PCDHGA6: variants seen among roughly 807,000 people sequenced by gnomAD.
PCDHGA6 encodes protocadherin gamma-A6.
Under a neutral mutation model 60.6 loss-of-function variants are expected in PCDHGA6, and 41 were observed. The observed-to-expected ratio is 0.68, with a 90% confidence interval of 0.53 to 0.88. The LOEUF is 0.88. PCDHGA6 is among the 40% of genes least tolerant of loss of function. The probability of loss-of-function intolerance (pLI) is 0.00; values close to 1 mark genes in which losing one functional copy is unlikely to be tolerated. For missense variants in PCDHGA6, 1,312 were observed against 1,203.0 expected, an observed-to-expected ratio of 1.09 and a Z score of -1.34; for synonymous variants, 594 against 524.4, an observed-to-expected ratio of 1.13 and a Z score of -1.81.
chr5:141,420,018 G>T, intron 1 of PCDHGA6: 2 of 1,614,066 alleles, frequency 1.2e-6, no homozygotes, highest in African/African-American at 2.7e-5. Flanking sequence ...CAGTCTTTCA[G>T]CCCTACTGCA....
chr5:141,388,432 A>G (rs760022375), intron 1 of PCDHGA6: 2 of 1,613,878 alleles, frequency 1.2e-6, no homozygotes, highest in Non-Finnish European at 8.5e-7. Context: ...CTGATAAATA[A>G]AGAGAAATCA....
intron 1 of PCDHGA6, among the ~76,000 whole-genome samples, chr5:141,466,449 T>C (rs2154569205): frequency 6.6e-6 from 1 of 152,358 alleles, no homozygotes; most frequent in Admixed American, 6.5e-5. Flanking sequence ...ATGTCTATGG[T>C]GTTGGCTATT....
In PCDHGA6 at chr5:141,491,770, G is replaced by A; in HGVS notation, c.2425-3037G>A. 6.4e-7 allele frequency: 1 copy of A among 1,560,888 alleles called. No individual in the cohort carries two copies. Among genetic ancestry groups the A allele is most frequent in the Non-Finnish European group, 8.7e-7 (1 of 1,154,942 alleles). On this transcript the variant is annotated intron_variant, in intron 1 of 3. Coordinates refer to ENST00000517434, the MANE Select transcript of PCDHGA6 (RefSeq NM_018919.3). This position sits in a 1 kb window ranked among gnomAD's most constrained non-coding sequence, Gnocchi z 6.9. ...TGGAGAAGCCGCCCGTCCTCATAAG[G>A]GATTGAACTTGCATCCACTCCTCTC...
Position 141,491,652 on chromosome 5 carries a change from G to T in PCDHGA6, c.2425-3155G>T. ...AGCAGCCCACAGCTCTGGCGCTGGA[G>T]CCTGACGCCATCCGGTCCCGCTCTA... On this transcript the variant is annotated intron_variant, in intron 1 of 3. Transcript: ENST00000517434. The surrounding 1 kb of genome is among the most constrained non-coding windows in gnomAD (Gnocchi z 6.9). The T allele has an allele frequency of 6.2e-7, 1 of 1,613,844 alleles. No homozygotes were observed.
At chr5:141,461,013 C>G (rs981329088) in intron 1 of PCDHGA6, among the ~76,000 whole-genome samples, 2 of 148,522 alleles carry the variant, frequency 1.3e-5, no homozygotes, top group Non-Finnish European at 3.0e-5. Flanking sequence ...ATATATATAC[C>G]ACATTTTCTT....
intron 1 of PCDHGA6, chr5:141,428,232 G>C (rs546567556): frequency 9.3e-7 from 1 of 1,071,494 alleles, no homozygotes; most frequent in African/African-American, 1.5e-5. Context: ...CAGACAGCCT[G>C]CAGGAGGCAC....
intron 1 of PCDHGA6, chr5:141,415,308 C>G (rs2154545628): frequency 6.2e-7 from 1 of 1,614,236 alleles, no homozygotes; most frequent in Non-Finnish European, 8.5e-7. Context: ...TCCTGGCCTT[C>G]GTCATCGTGC....
intron 1 of PCDHGA6, 109 bp downstream of exon 1, chr5:141,376,616 G>C: frequency 7.1e-7 from 1 of 1,413,872 alleles, no homozygotes; most frequent in Non-Finnish European, 9.6e-7. Flanking sequence ...AACCTCTTTT[G>C]GTACAGGAAG....
chr5:141,435,027 AC>A (rs1485237615), intron 1 of PCDHGA6, among the ~76,000 whole-genome samples: 1 of 151,978 alleles, frequency 6.6e-6, no homozygotes, highest in Non-Finnish European at 1.5e-5. Flanking sequence ...CTCTTTTCCC[AC>A]TTTTATTTTT....
chr5:141,375,291 G>C lies in PCDHGA6; in HGVS notation c.1208G>C (p.Arg403Pro). The change falls in exon 1 of 4, where the codon CGA (arginine) becomes CCA (proline). Residue 403 changes from arginine (R) to proline (P), a missense_variant. By Grantham distance (103) the Arg-to-Pro change is moderately radical. Coordinates refer to ENST00000517434, the MANE Select transcript of PCDHGA6 (RefSeq NM_018919.3). ...ELEKSVGNYY[R>P]LVTNAALDRE... ...GAAAAATCAGTTGGCAATTATTATC[G>C]ATTAGTGACAAATGCAGCTCTAGAC... 4.3e-6 allele frequency: 7 copies of C among 1,613,756 alleles called. No homozygotes were observed. The highest frequency in any genetic ancestry group is 5.9e-6 in the Non-Finnish European group (7 of 1,179,864).
intron 1 of PCDHGA6, among the ~76,000 whole-genome samples, chr5:141,468,186 A>G (rs2099159540): frequency 6.6e-6 from 1 of 151,848 alleles, no homozygotes; most frequent in African/African-American, 2.4e-5. Context: ...TTTGCTGGGC[A>G]TGGTGGCGGG....
At chr5:141,389,719 C>A (rs371194042) in intron 1 of PCDHGA6, 62 of 1,612,570 alleles carry the variant, frequency 3.8e-5, no homozygotes, top group South Asian at 1.1e-5. Flanking sequence ...GCTAGCGAGC[C>A]CGGGCTCTTC....
Position 141,485,448 on chromosome 5 carries a change from G to A in PCDHGA6, c.2425-9359G>A. On this transcript the variant is annotated intron_variant, in intron 1 of 3. Coordinates refer to ENST00000517434, the MANE Select transcript of PCDHGA6 (RefSeq NM_018919.3). This position sits in a 1 kb window ranked among gnomAD's most constrained non-coding sequence, Gnocchi z 5.7. ...CTGCTCATCAAGAACCCAATCGACC[G>A]AGAGGCACTGTGTGGGCTCAGTGCC... is the stretch of plus-strand genomic sequence containing the variant. 1 of 1,614,154 alleles carries A rather than the reference G, an allele frequency of 6.2e-7. No homozygotes were observed.
chr5:141,460,795 G>GTA (rs2154567069), intron 1 of PCDHGA6, among the ~76,000 whole-genome samples: 1 of 151,608 alleles, frequency 6.6e-6, no homozygotes, highest in East Asian at 1.9e-4. Flanking sequence ...TACACACAAA[G>GTA]TATATATATG....
intron 1 of PCDHGA6, among the ~76,000 whole-genome samples, chr5:141,453,623 T>C (rs1264665094): frequency 1.3e-5 from 2 of 152,238 alleles, no homozygotes; most frequent in Admixed American, 1.3e-4. Flanking sequence ...AAACAAAACC[T>C]ATACATATTT....
intron 1 of PCDHGA6, among the ~76,000 whole-genome samples, chr5:141,386,902 G>A (rs2090736648): frequency 6.6e-6 from 1 of 152,206 alleles, no homozygotes; most frequent in Non-Finnish European, 1.5e-5. Flanking sequence ...TCAATTCAGA[G>A]GTCACCAAGG....
At chr5:141,460,981 GTGTA>G (rs1315974712) in intron 1 of PCDHGA6, among the ~76,000 whole-genome samples, 3 of 121,894 alleles carry the variant, frequency 2.5e-5, no homozygotes, top group Non-Finnish European at 5.1e-5. Context: ...GTGTGTGTGT[GTGTA>G]TATATATATA....
chr5:141,489,837 G>A lies in PCDHGA6; in HGVS notation c.2425-4970G>A. 6.2e-7 allele frequency: 1 copy of A among 1,614,204 alleles called. No individual in the cohort carries two copies. ...TCCCAGAGCTGGTGCTAGAGCAGCAGCTGGATCGTGAAGCCCAGGCAAGAC... is the reference window on the plus strand; with the variant it reads ...TCCCAGAGCTGGTGCTAGAGCAGCAACTGGATCGTGAAGCCCAGGCAAGAC... On this transcript the variant is annotated intron_variant, in intron 1 of 3. Transcript: ENST00000517434. This position sits in a 1 kb window ranked among gnomAD's most constrained non-coding sequence, Gnocchi z 4.5.
chr5:141,395,332 AT>A (rs2093216099), intron 1 of PCDHGA6: 2 of 1,450,272 alleles, frequency 1.4e-6, no homozygotes, highest in Non-Finnish European at 9.2e-7. Flanking sequence ...GTTGAAAATA[AT>A]TTTTAAGGTG....
Sources: gnomAD v4.1 joint callset for allele counts (sites outside exome capture counted in the v4.1 genomes callset) on GRCh38, gnomAD v4.1.1 for gene constraint, Gnocchi (gnomAD v3.1) non-coding constraint, MANE v1.5 for transcripts, NCBI Gene and HGNC (gene_info 2026-07-23, HGNC 2026-07-21) for gene names.